KDM5A: variants seen among roughly 807,000 people sequenced by gnomAD.
KDM5A encodes the protein lysine demethylase 5A.
In KDM5A, 42 loss-of-function variants were observed where a neutral mutation model predicts 193.5. The ratio of observed to expected loss-of-function variants is 0.22; its 90% CI spans 0.17 to 0.28. The LOEUF is 0.28. Among genes scored for constraint, KDM5A ranks in the 10% least tolerant of loss-of-function variants. KDM5A has a pLI of 1.00. For missense variants in KDM5A, 1,692 were observed against 2,055.1 expected (o/e 0.82, Z 3.42); for synonymous variants, 796 against 718.1 (o/e 1.11, Z -1.73).
chr12:320,538 T>G (rs1019436162), intron 18 of KDM5A, among the ~76,000 whole-genome samples: 4 of 152,026 alleles, frequency 2.6e-5, no homozygotes, highest in Admixed American at 2.0e-4. Flanking sequence ...TTAGACACCC[T>G]ACCCACCCCT....
chr12:345,474 A>T (rs1013125289), intron 10 of KDM5A, among the ~76,000 whole-genome samples: 4 of 152,234 alleles, frequency 2.6e-5, no homozygotes, highest in Non-Finnish European at 4.4e-5. Flanking sequence ...CATTCTGCTC[A>T]GCACATTGCA....
At chr12:310,383 C>A (rs1015409110) in intron 21 of KDM5A, among the ~76,000 whole-genome samples, 3 of 152,202 alleles carry the variant, frequency 2.0e-5, no homozygotes, top group Non-Finnish European at 4.4e-5. Flanking sequence ...GTAATCCCAG[C>A]ACTTTGGAAG....
At chr12:339,956 C>T (rs1943979915) in intron 10 of KDM5A, among the ~76,000 whole-genome samples, 1 of 151,280 alleles carries the variant, frequency 6.6e-6, no homozygotes, top group African/African-American at 2.4e-5. Flanking sequence ...GTCACTGCAG[C>T]TTCAACCTCC....
chr12:352,213 G>C lies in KDM5A; in HGVS notation c.1141C>G (p.Pro381Ala). The C allele has an allele frequency of 6.2e-6, 10 of 1,611,218 alleles. No individual in the cohort carries two copies. Among genetic ancestry groups the C allele is most frequent in the Non-Finnish European group, 8.5e-6 (10 of 1,178,388 alleles). Residue 381 changes from proline (P) to alanine (A), a missense_variant, in exon 9 of 28, where the codon CCA becomes GCA. Pro to Ala is a conservative substitution (Grantham distance 27). This residue lies in a region of KDM5A where 62 missense variants were observed against 107.1 expected (regional missense o/e 0.58). Coordinates refer to ENST00000399788, the MANE Select transcript of KDM5A (RefSeq NM_001042603.3). ...DNFKSDYFNM[P>A]VHMVPTELVE... is the part of the protein sequence containing the mutation. ...AAAGATAGCTTACTCACATGGACTG[G>C]CATATTAAAATAATCAGACTTAAAA...
At chr12:377,322 T>G (rs1944519187) in intron 3 of KDM5A, among the ~76,000 whole-genome samples, 1 of 151,964 alleles carries the variant, frequency 6.6e-6, no homozygotes, top group African/African-American at 2.4e-5. Context: ...GTACACAAAA[T>G]TATCAAAGAA....
At chr12:332,244 T>C (rs1285522816) in intron 12 of KDM5A, among the ~76,000 whole-genome samples, 3 of 152,220 alleles carry the variant, frequency 2.0e-5, no homozygotes, top group Non-Finnish European at 2.9e-5. Context: ...TTTAGAGAAT[T>C]TGTTTTATTC....
chr12:282,247 T>C lies in KDM5A; in HGVS notation c.*3209A>G, dbSNP rs1411659320. ...CTCAAACTCACAGGTTGAAGCAATC[T>C]TCCCACTTCAGCCTCCTGACCACAG... On this transcript the variant is annotated 3_prime_UTR_variant, in exon 28 of 28. Coordinates refer to ENST00000399788, the MANE Select transcript of KDM5A (RefSeq NM_001042603.3). 3 of 238,924 alleles carry C rather than the reference T, an allele frequency of 1.3e-5. No homozygotes were observed. The highest frequency in any genetic ancestry group is 2.5e-5 in the Non-Finnish European group (3 of 121,316). The allele number at this position is 238,924 out of a possible 1,614,324, so 14.8% of individuals were successfully genotyped here. A position where few individuals can be genotyped will look rare whatever the true frequency, so the allele number is the denominator to read the frequency against.
intron 14 of KDM5A, among the ~76,000 whole-genome samples, chr12:324,551 A>G (rs559783829): frequency 1.3e-5 from 2 of 152,330 alleles, no homozygotes; most frequent in South Asian, 4.1e-4. Context: ...CATCAAAAAG[A>G]AAGTTAAGAC....
intron 4 of KDM5A, among the ~76,000 whole-genome samples, chr12:365,198 G>A (rs549260288): frequency 2.0e-4 from 31 of 152,046 alleles, no homozygotes; most frequent in African/African-American, 5.5e-4. Context: ...GACCACTGGC[G>A]CACACCACCA....
chr12:350,477 T>C lies in KDM5A; in HGVS notation c.1308+144A>G, dbSNP rs557453498. 2.6e-4 allele frequency: 203 copies of C among 778,016 alleles called. 1 individual carries two copies. In the East Asian group the frequency reaches 5.4e-3, roughly 21 times the overall value. 48.2% of individuals were successfully genotyped at this position (778,016 alleles called of 1,614,324 possible). A position where few individuals can be genotyped will look rare whatever the true frequency, so the allele number is the denominator to read the frequency against. The stretch of plus-strand genomic sequence containing the variant: ...AAATAATTTTTCAAAGTATTCTGAA[T>C]TCTTCGTTTTCAAAACTGAAGATTA... On this transcript the variant is annotated intron_variant, in intron 10 of 27. Coordinates refer to ENST00000399788, the MANE Select transcript of KDM5A (RefSeq NM_001042603.3).
At chr12:365,856 G>T in intron 4 of KDM5A, 78 bp downstream of exon 4, 1 of 1,457,288 alleles carries the variant, frequency 6.9e-7, no homozygotes, top group Non-Finnish European at 9.6e-7. Context: ...CTGCTAACTT[G>T]GGTTAAACAC....
chr12:293,647 T>C (rs949938227), intron 26 of KDM5A, among the ~76,000 whole-genome samples: 7 of 151,536 alleles, frequency 4.6e-5, no homozygotes, highest in Non-Finnish European at 1.0e-4. Flanking sequence ...GGCGTGGTGG[T>C]GCATGCCTGT....
At chr12:367,530 C>T (rs1223978024) in intron 3 of KDM5A, among the ~76,000 whole-genome samples, 2 of 152,054 alleles carry the variant, frequency 1.3e-5, no homozygotes, top group Non-Finnish European at 2.9e-5. Flanking sequence ...AACCCCATCT[C>T]TTCTAAAAAA....
intron 19 of KDM5A, among the ~76,000 whole-genome samples, chr12:314,015 A>T (rs1943620969): frequency 6.6e-6 from 1 of 152,234 alleles, no homozygotes. Flanking sequence ...AGAGTGGGGC[A>T]GGAAAAAGGA....
intron 3 of KDM5A, among the ~76,000 whole-genome samples, chr12:370,616 T>C (rs1259264510): frequency 5.3e-5 from 8 of 152,112 alleles, no homozygotes; most frequent in Admixed American, 2.6e-4. Flanking sequence ...AGAGACTTTT[T>C]TTTTTTTTAA....
chr12:365,969 G>T lies in KDM5A; in HGVS notation c.502C>A (p.Pro168Thr), dbSNP rs773120976. 6.2e-7 allele frequency: 1 copy of T among 1,613,940 alleles called. No homozygotes were observed. Among genetic ancestry groups the T allele is most frequent in the Non-Finnish European group, 8.5e-7 (1 of 1,179,892 alleles). The stretch of plus-strand genomic sequence containing the variant: ...ACACCAGACTGGAAAAGCTCATATG[G>T]GTAGAGAATTCTTTCATAATGTGAC... Reference protein sequence around the residue: ...LKSHYERILYPYELFQSGVSL... With the variant: ...LKSHYERILYTYELFQSGVSL... Residue 168 changes from proline (P) to threonine (T), a missense_variant, in exon 4 of 28, where the codon CCA becomes ACA. By Grantham distance (38) the Pro-to-Thr change is conservative. Transcript: ENST00000399788.
chr12:310,875 G>C lies in KDM5A; in HGVS notation c.3216+10C>G, dbSNP rs369787451. On this transcript the variant is annotated intron_variant, in intron 21 of 27. Transcript: ENST00000399788. ...ATCAGCTGCTTATGAGAGTGTTGAAGTTCAAGTACCTGTAACAATGTATGG... is the reference window on the plus strand; with the variant it reads ...ATCAGCTGCTTATGAGAGTGTTGAACTTCAAGTACCTGTAACAATGTATGG... 61 of 1,613,662 alleles carry C rather than the reference G, an allele frequency of 3.8e-5. No individual in the cohort carries two copies. Among genetic ancestry groups the C allele is most frequent in the Non-Finnish European group, 5.0e-5 (59 of 1,179,698 alleles).
At position 309,813 on chromosome 12, in the gene KDM5A, G is replaced by A. The variant is rs753675845; in HGVS notation, c.3368C>T (p.Thr1123Ile). The change falls in exon 22 of 28, where the codon ACA becomes ATA. Residue 1123 changes from threonine (T) to isoleucine (I), a missense_variant. Transcript: ENST00000399788. ...LEEGLEETRD[T>I]AMVVAVFKER... The stretch of plus-strand genomic sequence containing the variant: ...TAGGTAATTTCTTACCACCATGGCT[G>A]TATCTCTGGTTTCCTCCAATCCTTC... 3.1e-6 allele frequency: 5 copies of A among 1,614,118 alleles called. No homozygotes were observed. The Admixed American group carries it at 5.0e-5, about 16-fold the overall frequency.
Position 309,941 on chromosome 12 carries a change from A to C in KDM5A, c.3240T>G (p.Ile1080Met). The C allele has an allele frequency of 1.2e-6, 2 of 1,613,574 alleles. No homozygotes were observed. The highest frequency in any genetic ancestry group is 1.7e-6 in the Non-Finnish European group (2 of 1,179,902). The change falls in exon 22 of 28, where the codon ATT becomes ATG. Residue 1080 changes from isoleucine (I) to methionine (M), a missense_variant. Ile to Met is a conservative substitution (Grantham distance 10). Around this residue, in one of 11 missense-constraint regions of KDM5A, gnomAD observed 965 missense variants for 1,061.0 expected, o/e 0.91. Transcript: ENST00000399788. ...TATTTTTGCCACTCCCATATACACC[A>C]ATGTCGGTCCGGGGGCTCAGCACCT... ...LLQVLSPRTD[I>M]GVYGSGKNRR...
Sources: allele counts gnomAD v4.1 joint callset (sites outside exome capture counted in the v4.1 genomes callset), GRCh38; gene constraint gnomAD v4.1.1; regional missense constraint gnomAD v4.1.1; transcripts MANE v1.5; gene names NCBI Gene and HGNC (gene_info 2026-07-23, HGNC 2026-07-21).